Variants in FBXL19 observed in about 807,000 individuals in gnomAD.
The protein encoded by FBXL19 is F-box/LRR-repeat protein 19.
Under a neutral mutation model 71.2 loss-of-function variants are expected in FBXL19, and 16 were observed. The ratio of observed to expected loss-of-function variants is 0.22; its 90% CI spans 0.15 to 0.34. FBXL19 has a LOEUF of 0.34. Among genes scored for constraint, FBXL19 ranks in the 10% least tolerant of loss-of-function variants. The probability of loss-of-function intolerance (pLI) is 1.00; values close to 1 mark genes in which losing one functional copy is unlikely to be tolerated. For synonymous variants in FBXL19, 447 were observed against 409.4 expected (o/e 1.09, Z -1.11); for missense variants, 658 against 968.2 (o/e 0.68, Z 4.25).
chr16:30,928,451 C>A lies in FBXL19; in HGVS notation c.628-16C>A. The A allele has an allele frequency of 6.5e-7, 1 of 1,549,838 alleles. No individual in the cohort carries two copies. Among genetic ancestry groups the A allele is most frequent in the Non-Finnish European group, 8.7e-7 (1 of 1,147,574 alleles). ...GGGTCTCTCCCTTCCTCCATATCTC[C>A]CTCTCACCCTGGTAGGTGAAAGGAG... On this transcript the variant is annotated splice_polypyrimidine_tract_variant and intron_variant, in intron 5 of 10. Coordinates refer to ENST00000338343, the MANE Select transcript of FBXL19 (RefSeq NM_001382779.1).
chr16:30,939,940 T>G (rs2143372525), intron 7 of FBXL19, among the ~76,000 whole-genome samples: 1 of 151,788 alleles, frequency 6.6e-6, no homozygotes, highest in South Asian at 2.1e-4. Flanking sequence ...AAAACCAGCC[T>G]GGACAACCTT....
intron 2 of FBXL19, among the ~76,000 whole-genome samples, chr16:30,926,897 A>T (rs1322757574): frequency 1.3e-5 from 2 of 152,158 alleles, no homozygotes; most frequent in African/African-American, 4.8e-5. Context: ...TGGGCTGCTC[A>T]TGGAGCGACC....
intron 7 of FBXL19, among the ~76,000 whole-genome samples, chr16:30,931,865 T>TATA (rs2055677635): frequency 6.6e-6 from 1 of 151,916 alleles, no homozygotes; most frequent in African/African-American, 2.4e-5. Context: ...TAACTGGGAT[T>TATA]ATAGGCACCC....
In FBXL19 at chr16:30,947,414, TG is replaced by T. The variant is rs2055872555; in HGVS notation, c.*189del. On this transcript the variant is annotated 3_prime_UTR_variant, in exon 11 of 11. Coordinates refer to ENST00000338343, the MANE Select transcript of FBXL19 (RefSeq NM_001382779.1). The stretch of plus-strand genomic sequence containing the variant: ...TCTTTCCCCCCTGCACTGATATCTC[TG>T]GGGGTTTCTCCTTCCTATGTCCTGC... The T allele has an allele frequency of 1.7e-6, 1 of 593,782 alleles. No individual in the cohort carries two copies. The highest frequency in any genetic ancestry group is 3.0e-6 in the Non-Finnish European group (1 of 334,412). The allele number at this position is 593,782 out of a possible 1,614,324, so 36.8% of individuals were successfully genotyped here. A position where few individuals can be genotyped will look rare whatever the true frequency, so the allele number is the denominator to read the frequency against.
chr16:30,928,479 C>T lies in FBXL19; in HGVS notation c.640C>T (p.Arg214Ter). ...PTPRKKVKGG[R>*]ERHLKKVGGD... ...CTCACCCTGGTAGGTGAAAGGAGGC[C>T]GAGAGAGGCACCTGAAGAAGGTGGG... The change falls in exon 6 of 11, where the codon CGA becomes TGA. Residue 214 changes from arginine to a stop codon, truncating the protein, a stop_gained. Transcript: ENST00000338343. LOFTEE classifies it high-confidence loss of function. The T allele has an allele frequency of 6.3e-7, 1 of 1,588,456 alleles. No individual in the cohort carries two copies. Among genetic ancestry groups the T allele is most frequent in the Non-Finnish European group, 8.6e-7 (1 of 1,166,960 alleles).
At chr16:30,931,830 G>A (rs1017132484) in intron 7 of FBXL19, among the ~76,000 whole-genome samples, 4 of 151,674 alleles carry the variant, frequency 2.6e-5, no homozygotes, top group African/African-American at 7.3e-5. Context: ...GGGTTCAAGC[G>A]ATTCCCCTGC....
rs759209775 is a variant in FBXL19 at position 30,946,755 on chromosome 16, G to A, written c.1653G>A (p.Leu551=). Residue 551 remains leucine (L), a synonymous_variant, in exon 10 of 11, where the codon CTG becomes CTA. Transcript: ENST00000338343. The surrounding 1 kb of genome is among the most constrained non-coding windows in gnomAD (Gnocchi z 6.7). ...KPGQTESRGR[L]QGVAELRLAG... ...GGCAAACAGAGAGCCGTGGTCGGCTGCAGGGGGTGGCAGAACTGCGTCTGG... is the reference window on the plus strand; with the variant it reads ...GGCAAACAGAGAGCCGTGGTCGGCTACAGGGGGTGGCAGAACTGCGTCTGG... 1 of 1,613,236 alleles carries A rather than the reference G, an allele frequency of 6.2e-7. No individual in the cohort carries two copies. The highest frequency in any genetic ancestry group is 1.1e-5 in the South Asian group (1 of 90,964).
intron 7 of FBXL19, among the ~76,000 whole-genome samples, chr16:30,935,182 GAGA>G (rs1334409251): frequency 1.3e-5 from 2 of 152,186 alleles, no homozygotes; most frequent in Non-Finnish European, 2.9e-5. Flanking sequence ...GAATGGAGTC[GAGA>G]ACATCAGCTT....
At chr16:30,933,419 G>A (rs2055696935) in intron 7 of FBXL19, among the ~76,000 whole-genome samples, 1 of 152,004 alleles carries the variant, frequency 6.6e-6, no homozygotes. Context: ...GATTACAGGT[G>A]TGAGCCACCT....
intron 7 of FBXL19, among the ~76,000 whole-genome samples, chr16:30,937,251 C>T (rs1293322110): frequency 7.9e-5 from 12 of 151,922 alleles, no homozygotes; most frequent in Non-Finnish European, 1.8e-4. Context: ...CAGAGCTCTC[C>T]GTCTTGTCTC....
intron 6 of FBXL19, among the ~76,000 whole-genome samples, chr16:30,929,872 C>T (rs534891609): frequency 4.6e-5 from 7 of 152,342 alleles, no homozygotes; most frequent in Admixed American, 4.6e-4. Flanking sequence ...TTTTAATTAG[C>T]ACTCTTCTGT....
intron 7 of FBXL19, among the ~76,000 whole-genome samples, chr16:30,940,791 C>T (rs2055794247): frequency 6.6e-6 from 1 of 152,034 alleles, no homozygotes; most frequent in Non-Finnish European, 1.5e-5. Flanking sequence ...CTCAGCCTCC[C>T]GAGTAGCTAG....
intron 9 of FBXL19, among the ~76,000 whole-genome samples, chr16:30,944,944 G>A (rs1046700084): frequency 1.3e-5 from 2 of 152,170 alleles, no homozygotes; most frequent in Admixed American, 6.6e-5. Flanking sequence ...AGGACATTAG[G>A]GAGTGGCACC....
At chr16:30,938,489 G>A (rs2143365194) in intron 7 of FBXL19, among the ~76,000 whole-genome samples, 1 of 152,294 alleles carries the variant, frequency 6.6e-6, no homozygotes, top group South Asian at 2.1e-4. Context: ...CTGGGCGACA[G>A]TGAGACTTTG....
In FBXL19 at chr16:30,930,010, G is replaced by T; in HGVS notation, c.790-63G>T. ...CTGTTCATCCCCTGGTGACTCCTCG[G>T]GGTAGGGGGGTGGGAAAATGTATCC... On this transcript the variant is annotated intron_variant, in intron 6 of 10. Transcript: ENST00000338343. The surrounding 1 kb of genome is among the most constrained non-coding windows in gnomAD (Gnocchi z 8.5). The T allele has an allele frequency of 6.4e-7, 1 of 1,556,386 alleles. No homozygotes were observed. Among genetic ancestry groups the T allele is most frequent in the South Asian group, 1.2e-5 (1 of 81,862 alleles).
chr16:30,923,939 C>G lies in FBXL19; in HGVS notation c.-545C>G, dbSNP rs1405584601. Among the ~76,000 whole-genome samples the G allele has an allele frequency of 2.7e-5, 4 of 150,586 alleles. No individual in the cohort carries two copies. In the East Asian group the frequency reaches 8.0e-4, roughly 30 times the overall value. On this transcript the variant is annotated 5_prime_UTR_variant, in exon 1 of 11. Coordinates refer to ENST00000338343, the MANE Select transcript of FBXL19 (RefSeq NM_001382779.1). ...GGGCCCAGGGGAGGGGGGCAGGTTA[C>G]AGCGACCCCCCCCTCCCCGGGAACC...
At chr16:30,936,583 G>A (rs9938050) in intron 7 of FBXL19, among the ~76,000 whole-genome samples, 78,998 of 146,126 alleles carry the variant, frequency 0.54, 23,497 homozygotes, top group East Asian at 0.91. Flanking sequence ...CTGCCACCAC[G>A]CCTGGCTAAT....
At position 30,925,777 on chromosome 16, in the gene FBXL19, CG is replaced by C. The variant is rs1375808750; in HGVS notation, c.28del (p.Ala10ProfsTer30). The stretch of plus-strand genomic sequence containing the variant: ...CCAATGTCGTCGAGCAGCCGGGGGC[CG>C]GGGGCCGGAGCGCGCCGACGCCGAA... MSSSSRG[P>X]GAGARRRRTR... is the part of the protein sequence containing the mutation. On this transcript the variant is annotated frameshift_variant, in exon 2 of 11. Transcript: ENST00000338343. LOFTEE classifies it high-confidence loss of function. The surrounding 1 kb of genome is among the most constrained non-coding windows in gnomAD (Gnocchi z 5.0). 1.7e-5 allele frequency: 25 copies of C among 1,486,246 alleles called. No individual in the cohort carries two copies. Among genetic ancestry groups the C allele is most frequent in the East Asian group, 1.1e-4 (4 of 37,298 alleles). The allele number at this position is 1,486,246 out of a possible 1,614,324, so 92.1% of individuals were successfully genotyped here.
At position 30,927,725 on chromosome 16, in the gene FBXL19, C is replaced by G. The variant is rs765904924; in HGVS notation, c.409-20C>G. 1.3e-6 allele frequency: 2 copies of G among 1,556,144 alleles called. No homozygotes were observed. Among genetic ancestry groups the G allele is most frequent in the South Asian group, 2.4e-5 (2 of 84,318 alleles). On this transcript the variant is annotated intron_variant, in intron 4 of 10. Transcript: ENST00000338343. The stretch of plus-strand genomic sequence containing the variant: ...TGGGGAGCTGTGCAGGTCCTCACCC[C>G]CAGCTTCTGTCCCGCCTAGGATTCA...
Sources: gnomAD v4.1 joint callset for allele counts (sites outside exome capture counted in the v4.1 genomes callset) on GRCh38, gnomAD v4.1.1 for gene constraint, Gnocchi (gnomAD v3.1) non-coding constraint, MANE v1.5 for transcripts, NCBI Gene and HGNC (gene_info 2026-07-23, HGNC 2026-07-21) for gene names.